L3MBTL2: variants seen among roughly 807,000 people sequenced by gnomAD.
L3MBTL2 encodes lethal(3)malignant brain tumor-like protein 2.
L3MBTL2 carries 49 observed loss-of-function variants against 86.4 expected under a neutral mutation model. The observed-to-expected ratio is 0.57, with a 90% CI of 0.45 to 0.72. L3MBTL2 has a LOEUF of 0.72. Among genes scored for constraint, L3MBTL2 ranks in the 30% least tolerant of loss-of-function variants. L3MBTL2 has a pLI of 0.00. For synonymous variants in L3MBTL2, 336 were observed against 350.6 expected (o/e 0.96, Z 0.47); for missense variants, 755 against 923.7 (o/e 0.82, Z 2.37).
chr22:41,208,016 G>T (rs2030383053), intron 1 of L3MBTL2, among the ~76,000 whole-genome samples: 1 of 151,982 alleles, frequency 6.6e-6, no homozygotes, highest in Admixed American at 6.6e-5. Flanking sequence ...ATTTTTACTA[G>T]AGATGGGATT....
At chr22:41,228,018 T>C (rs1185419093) in intron 15 of L3MBTL2, 149 bp downstream of exon 15, 4 of 1,423,316 alleles carry the variant, frequency 2.8e-6, no homozygotes, top group Non-Finnish European at 2.8e-6. Context: ...GTCCTGTCTC[T>C]TTCCCCTTGC....
At chr22:41,212,023 C>A (rs893993900) in intron 2 of L3MBTL2, among the ~76,000 whole-genome samples, 11 of 150,952 alleles carry the variant, frequency 7.3e-5, no homozygotes, top group Non-Finnish European at 4.4e-5. Context: ...TCCGCCATGC[C>A]CGGCTAATTT....
In L3MBTL2 at chr22:41,219,415, A is replaced by G. The variant is rs866818317; in HGVS notation, c.601-4A>G. On this transcript the variant is annotated splice_polypyrimidine_tract_variant and splice_region_variant and intron_variant, in intron 5 of 16. Coordinates refer to ENST00000216237, the MANE Select transcript of L3MBTL2 (RefSeq NM_031488.5). ...TCTCTCGGTACACTCTCATCGCCAC[A>G]CAGGTCCCACTCTATGACCAGTGGG... 1 of 1,605,124 alleles carries G rather than the reference A, an allele frequency of 6.2e-7. No individual in the cohort carries two copies. Among genetic ancestry groups the G allele is most frequent in the Non-Finnish European group, 8.5e-7 (1 of 1,171,954 alleles).
intron 4 of L3MBTL2, among the ~76,000 whole-genome samples, chr22:41,216,639 G>T (rs1335004629): frequency 6.6e-6 from 1 of 152,176 alleles, no homozygotes; most frequent in Non-Finnish European, 1.5e-5. Flanking sequence ...CTCTGAGTGT[G>T]TAGCAATTGC....
intron 1 of L3MBTL2, chr22:41,205,984 A>G (rs888291515): frequency 6.8e-6 from 1 of 147,994 alleles, no homozygotes. Flanking sequence ...GAACCCACTC[A>G]TCCTTTTTTT....
At chr22:41,210,621 G>A (rs947326203) in intron 2 of L3MBTL2, among the ~76,000 whole-genome samples, 1 of 152,080 alleles carries the variant, frequency 6.6e-6, no homozygotes. Flanking sequence ...GTGCCACCGC[G>A]CCAGCCTAAC....
chr22:41,226,671 C>A lies in L3MBTL2; in HGVS notation c.1514C>A (p.Ala505Glu), dbSNP rs777624363. Residue 505 changes from alanine (A) to glutamate (E), a missense_variant, in exon 13 of 17, where the codon GCA becomes GAA. Ala to Glu is a moderately radical substitution (Grantham distance 107). Transcript: ENST00000216237. ...IELTPPKGYE[A>E]QTFNWENYLE... ...CTTTCTGCTCCTCCAGGTTATGAGG[C>A]ACAGACTTTCAACTGGGAGAACTAC... 6.2e-7 allele frequency: 1 copy of A among 1,612,702 alleles called. No individual in the cohort carries two copies. The highest frequency in any genetic ancestry group is 8.5e-7 in the Non-Finnish European group (1 of 1,178,678).
At chr22:41,205,481 G>C in intron 1 of L3MBTL2, 95 bp downstream of exon 1, 1 of 1,408,694 alleles carries the variant, frequency 7.1e-7, no homozygotes, top group Non-Finnish European at 1.0e-6. Context: ...CGCCTGGAGG[G>C]TGGAGGGTGG....
At chr22:41,223,466 A>G (rs1399946974) in intron 8 of L3MBTL2, among the ~76,000 whole-genome samples, 2 of 152,204 alleles carry the variant, frequency 1.3e-5, no homozygotes, top group Admixed American at 6.5e-5. Flanking sequence ...GGCACTGTGA[A>G]AGCACTGCAG....
chr22:41,211,038 A>G (rs545633694), intron 2 of L3MBTL2, among the ~76,000 whole-genome samples: 1 of 152,260 alleles, frequency 6.6e-6, no homozygotes, highest in Admixed American at 6.5e-5. Flanking sequence ...GGGGGCGGGC[A>G]GATGAGAATC....
chr22:41,216,599 A>G (rs2031381578), intron 4 of L3MBTL2, among the ~76,000 whole-genome samples: 1 of 152,036 alleles, frequency 6.6e-6, no homozygotes. Context: ...AGGTTTGGAG[A>G]GGGGTGGTGG....
In L3MBTL2 at chr22:41,230,124, C is replaced by G; in HGVS notation, c.2006-15C>G. On this transcript the variant is annotated splice_polypyrimidine_tract_variant and intron_variant, in intron 16 of 16. Transcript: ENST00000216237. Reference sequence around the variant, plus strand: ...TATTTACTCGCCCACCCACCCGCCTCCCCTCCCTCTTCAGTCATTGCTGTG... The same window carrying G: ...TATTTACTCGCCCACCCACCCGCCTGCCCTCCCTCTTCAGTCATTGCTGTG... The G allele has an allele frequency of 5.2e-6, 7 of 1,345,606 alleles. No homozygotes were observed. The highest frequency in any genetic ancestry group is 7.5e-6 in the Non-Finnish European group (7 of 937,614). The allele number at this position is 1,345,606 out of a possible 1,614,324, so 83.4% of individuals were successfully genotyped here.
chr22:41,207,842 T>C (rs954951436), intron 1 of L3MBTL2, among the ~76,000 whole-genome samples: 5 of 151,846 alleles, frequency 3.3e-5, no homozygotes, highest in Non-Finnish European at 7.4e-5. Flanking sequence ...ACCCAGCTTT[T>C]TTTTTTTGAG....
At position 41,225,618 on chromosome 22, in the gene L3MBTL2, C is replaced by T. The variant is rs544892974; in HGVS notation, c.1357-176C>T. ...AGTGGGGAAGAGAAAGAATCCCACG[C>T]GTATGCATCACAGAAGTACTGTGTG... On this transcript the variant is annotated intron_variant, in intron 11 of 16. Coordinates refer to ENST00000216237, the MANE Select transcript of L3MBTL2 (RefSeq NM_031488.5). The surrounding 1 kb of genome is among the most constrained non-coding windows in gnomAD (Gnocchi z 4.1). Among the ~76,000 whole-genome samples, 4 of 152,206 alleles carry T rather than the reference C, an allele frequency of 2.6e-5. No homozygotes were observed. Among genetic ancestry groups the T allele is most frequent in the Admixed American group, 2.0e-4 (3 of 15,284 alleles).
rs1000919490 is a variant in L3MBTL2 at position 41,205,345 on chromosome 22, T to C, written c.-18T>C. 6.2e-6 allele frequency: 10 copies of C among 1,614,136 alleles called. No homozygotes were observed. The highest frequency in any genetic ancestry group is 7.6e-6 in the Non-Finnish European group (9 of 1,180,008). ...ATGGCTTCCTGCACCTGGTGACGCT[T>C]GGCGAAACTGAGGTCTCATGGAGAA... is the stretch of plus-strand genomic sequence containing the variant. On this transcript the variant is annotated 5_prime_UTR_variant, in exon 1 of 17. Transcript: ENST00000216237.
At chr22:41,216,391 C>T in intron 4 of L3MBTL2, 129 bp downstream of exon 4, 2 of 1,088,704 alleles carry the variant, frequency 1.8e-6, no homozygotes, top group Non-Finnish European at 2.6e-6. Context: ...GTCAGGGTCA[C>T]TGCGGATTGC....
In L3MBTL2 at chr22:41,224,892, C is replaced by T; in HGVS notation, c.1252-75C>T. On this transcript the variant is annotated intron_variant, in intron 10 of 16. Transcript: ENST00000216237. This position sits in a 1 kb window ranked among gnomAD's most constrained non-coding sequence, Gnocchi z 4.9. Reference sequence around the variant, plus strand: ...GCTCTTCCCCTGGGACCATCCCTTTCCCTCCTGAGGCCTGCTTCCCTCACC... The same window carrying T: ...GCTCTTCCCCTGGGACCATCCCTTTTCCTCCTGAGGCCTGCTTCCCTCACC... 6.4e-7 allele frequency: 1 copy of T among 1,556,420 alleles called. No homozygotes were observed. The highest frequency in any genetic ancestry group is 8.9e-7 in the Non-Finnish European group (1 of 1,129,038).
At position 41,225,469 on chromosome 22, in the gene L3MBTL2, C is replaced by T. The variant is rs745614783; in HGVS notation, c.1357-325C>T. On this transcript the variant is annotated intron_variant, in intron 11 of 16. Transcript: ENST00000216237. This position sits in a 1 kb window ranked among gnomAD's most constrained non-coding sequence, Gnocchi z 4.1. ...GCAGCACCCCCACCCCTCCTTGGCC[C>T]TCCTGGAGGAGGCTGCTGACTCGTC... 4.6e-5 allele frequency among the ~76,000 whole-genome samples: 7 copies of T among 152,242 alleles called. No homozygotes were observed. Among genetic ancestry groups the T allele is most frequent in the African/African-American group, 7.2e-5 (3 of 41,456 alleles).
chr22:41,220,610 A>G, intron 6 of L3MBTL2, 124 bp from the exon 7 acceptor site: 1 of 988,632 alleles, frequency 1.0e-6, no homozygotes, highest in East Asian at 2.7e-5. Flanking sequence ...GTGAGCTGAG[A>G]TGGCGCCACT....
Sources: allele counts gnomAD v4.1 joint callset (sites outside exome capture counted in the v4.1 genomes callset), GRCh38; gene constraint gnomAD v4.1.1; non-coding constraint Gnocchi (gnomAD v3.1); transcripts MANE v1.5; gene names NCBI Gene and HGNC (gene_info 2026-07-23, HGNC 2026-07-21).